The following LAMA1 variants were observed in gnomAD, a reference collection of about 807,000 sequenced individuals.
LAMA1 encodes laminin subunit alpha 1, also known as laminin subunit alpha-1.
Under a neutral mutation model 348.7 loss-of-function variants are expected in LAMA1, and 219 were observed. That is an observed-to-expected ratio of 0.63 (90% CI 0.56 to 0.70). The LOEUF is 0.70. LAMA1 is among the 30% of genes least tolerant of loss of function. LAMA1 has a pLI of 0.00. For missense variants in LAMA1, 3,744 were observed against 3,888.0 expected (o/e 0.96, Z 0.99); for synonymous variants, 1,487 against 1,491.0 (o/e 1.00, Z 0.06).
intron 16 of LAMA1, among the ~76,000 whole-genome samples, chr18:7,030,082 A>T (rs563602): frequency 2.6e-5 from 4 of 152,076 alleles, no homozygotes; most frequent in African/African-American, 9.7e-5. Context: ...TTGCCCTCTC[A>T]AACATTAATT....
At chr18:7,061,229 T>C (rs1027694531) in intron 3 of LAMA1, among the ~76,000 whole-genome samples, 3 of 152,208 alleles carry the variant, frequency 2.0e-5, no homozygotes, top group African/African-American at 7.2e-5. Context: ...TTGTCTTCCC[T>C]TCCTAGTCTC....
At chr18:7,097,259 A>G (rs1024891330) in intron 1 of LAMA1, among the ~76,000 whole-genome samples, 17 of 113,666 alleles carry the variant, frequency 1.5e-4, no homozygotes, top group Non-Finnish European at 3.1e-4. Context: ...AAAAGGAACA[A>G]AATACTTGAA....
chr18:6,958,255 C>T (rs2057589555), intron 55 of LAMA1, among the ~76,000 whole-genome samples: 1 of 152,094 alleles, frequency 6.6e-6, no homozygotes, highest in African/African-American at 2.4e-5. Context: ...AGCTAATGTT[C>T]AGCGATGGTT....
At position 6,986,315 on chromosome 18, in the gene LAMA1, T is replaced by G; in HGVS notation, c.5201A>C (p.Glu1734Ala). 6.2e-7 allele frequency: 1 copy of G among 1,614,208 alleles called. No individual in the cohort carries two copies. The highest frequency in any genetic ancestry group is 8.5e-7 in the Non-Finnish European group (1 of 1,180,040). ...AAEDLLSQIQENYQKPLEELE... is the reference protein window; with the variant it reads ...AAEDLLSQIQANYQKPLEELE... The stretch of plus-strand genomic sequence containing the variant: ...TTCTTCCAGCGGCTTCTGGTAATTT[T>G]CCTGAATTTGTGACAATAAATCTTC... Residue 1734 changes from glutamate (E) to alanine (A), a missense_variant, in exon 37 of 63, where the codon GAA becomes GCA. Around this residue, in one of 3 missense-constraint regions of LAMA1, gnomAD observed 1,983 missense variants for 1,934.3 expected, o/e 1.03. Transcript: ENST00000389658.
chr18:7,002,081 T>A (rs930298096), intron 30 of LAMA1, among the ~76,000 whole-genome samples, 183 bp downstream of exon 30: 1 of 152,252 alleles, frequency 6.6e-6, no homozygotes, highest in South Asian at 2.1e-4. Flanking sequence ...AACAGATACT[T>A]TGCTTTTGAA....
intron 34 of LAMA1, among the ~76,000 whole-genome samples, chr18:6,994,668 T>C (rs865796544): frequency 9.2e-5 from 13 of 141,606 alleles, no homozygotes; most frequent in Middle Eastern, 3.8e-3. Context: ...ACCATCACAG[T>C]ACAGACACAC....
chr18:6,960,318 A>C (rs2057600940), intron 53 of LAMA1: 1 of 152,492 alleles, frequency 6.6e-6, no homozygotes, highest in Admixed American at 6.5e-5. Context: ...GTATGTATAT[A>C]CAGTGGAATA....
intron 12 of LAMA1, among the ~76,000 whole-genome samples, chr18:7,036,528 C>A (rs565412788): frequency 3.7e-4 from 56 of 152,186 alleles, no homozygotes; most frequent in African/African-American, 1.3e-3. Context: ...AAAGGTGTTT[C>A]TTCTGATTAG....
chr18:6,971,763 A>G, intron 48 of LAMA1, 94 bp downstream of exon 48: 1 of 1,552,154 alleles, frequency 6.4e-7, no homozygotes, highest in South Asian at 1.1e-5. Flanking sequence ...CACAAACTCT[A>G]TTCCTTGACG....
chr18:6,964,758 G>C lies in LAMA1; in HGVS notation c.7241C>G (p.Thr2414Ser). 1.2e-6 allele frequency: 2 copies of C among 1,614,024 alleles called. No individual in the cohort carries two copies. Among genetic ancestry groups the C allele is most frequent in the South Asian group, 1.1e-5 (1 of 91,078 alleles). The change falls in exon 51 of 63, where the codon ACC (threonine) becomes AGC (serine). Residue 2414 changes from threonine (T) to serine (S), a missense_variant. By Grantham distance (58) the Thr-to-Ser change is moderately conservative (BLOSUM62 1). Transcript: ENST00000389658. ...IDAYNTSNKE[T>S]KQGETPGASS... is the part of the protein sequence containing the mutation. ...TGCTCCCGGAGTCTCGCCCTGCTTG[G>C]TTTCTTTATTACTGGTGTTATAGGC...
rs1401384212 is a variant in LAMA1 at position 7,055,018 on chromosome 18, A to T, written c.346-4082T>A. Among the ~76,000 whole-genome samples the T allele has an allele frequency of 1.4e-4, 21 of 152,134 alleles. 1 individual carries two copies. Among genetic ancestry groups the T allele is most frequent in the Admixed American group, 1.3e-3 (20 of 15,274 alleles). On this transcript the variant is annotated intron_variant, in intron 3 of 62. Transcript: ENST00000389658. ...TTCAAGTCAATAATAGGCTATTAGT[A>T]GTTAAGTCTTTTACGGAAGTCAAAT...
chr18:7,000,234 G>A (rs1272439598), intron 30 of LAMA1, among the ~76,000 whole-genome samples: 1 of 152,230 alleles, frequency 6.6e-6, no homozygotes, highest in Non-Finnish European at 1.5e-5. Context: ...GGACAATCAT[G>A]TGAATGTTAA....
At chr18:7,078,093 C>T in intron 3 of LAMA1, among the ~76,000 whole-genome samples, 1 of 147,296 alleles carries the variant, frequency 6.8e-6, no homozygotes. Flanking sequence ...AAAAACAAAA[C>T]ACAACAACAA....
intron 3 of LAMA1, among the ~76,000 whole-genome samples, chr18:7,056,055 G>A (rs895093804): frequency 7.9e-5 from 12 of 151,960 alleles, no homozygotes; most frequent in African/African-American, 2.7e-4. Context: ...ACTTCAGCCT[G>A]GGCGACAGTG....
intron 23 of LAMA1, among the ~76,000 whole-genome samples, chr18:7,013,108 C>A (rs1034952233): frequency 6.6e-6 from 1 of 151,866 alleles, no homozygotes; most frequent in African/African-American, 2.4e-5. Context: ...TTGCAGTGAG[C>A]CGAGATTGTG....
chr18:7,026,764 A>G (rs1261588119), intron 16 of LAMA1, among the ~76,000 whole-genome samples: 1 of 151,924 alleles, frequency 6.6e-6, no homozygotes, highest in Non-Finnish European at 1.5e-5. Flanking sequence ...TTGGGAGGCC[A>G]AGGCAGGTGG....
intron 57 of LAMA1, among the ~76,000 whole-genome samples, chr18:6,951,768 C>T (rs532138320): frequency 9.2e-5 from 14 of 152,258 alleles, no homozygotes; most frequent in African/African-American, 2.4e-4. Context: ...ATTCAGGAAA[C>T]GTTCTGGAGG....
At chr18:6,997,976 A>AG in intron 32 of LAMA1, 92 bp from the exon 33 acceptor site, 1 of 1,132,080 alleles carries the variant, frequency 8.8e-7, no homozygotes, top group South Asian at 1.2e-5. Flanking sequence ...TTTTGTGAAA[A>AG]TGACACATGC....
intron 1 of LAMA1, among the ~76,000 whole-genome samples, chr18:7,095,190 T>C (rs187674026): frequency 1.1e-4 from 16 of 151,778 alleles, no homozygotes; most frequent in African/African-American, 3.1e-4. Context: ...AACAATTTGT[T>C]TCCTTTGATT....
Sources: allele counts gnomAD v4.1 joint callset (sites outside exome capture counted in the v4.1 genomes callset), GRCh38; gene constraint gnomAD v4.1.1; regional missense constraint gnomAD v4.1.1; transcripts MANE v1.5; gene names NCBI Gene and HGNC (gene_info 2026-07-23, HGNC 2026-07-21).